SRPRA: variants seen among roughly 807,000 people sequenced by gnomAD.
The protein encoded by SRPRA is SRP receptor subunit alpha, also known as signal recognition particle receptor subunit alpha.
In SRPRA, 30 loss-of-function variants were observed where a neutral mutation model predicts 61.1. The observed-to-expected ratio is 0.49, with a 90% CI of 0.37 to 0.67. SRPRA has a LOEUF of 0.67. Ranked by LOEUF, SRPRA falls within the 30% of genes least tolerant of loss-of-function variation. The pLI is 0.00. For missense variants in SRPRA, 759 were observed against 828.4 expected, an observed-to-expected ratio of 0.92 and a Z score of 1.03; for synonymous variants, 324 against 299.7, an observed-to-expected ratio of 1.08 and a Z score of -0.84.
the SRPRA span, among the ~76,000 whole-genome samples, chr11:126,254,773 C>G: frequency 6.6e-6 from 1 of 152,172 alleles, no homozygotes; most frequent in Non-Finnish European, 1.5e-5. Flanking sequence ...CTGTAGTGAG[C>G]TGTGTCTAGA....
chr11:126,252,206 C>G, the SRPRA span, among the ~76,000 whole-genome samples: 1 of 151,980 alleles, frequency 6.6e-6, no homozygotes, highest in East Asian at 1.9e-4. This position sits in a 1 kb window ranked among gnomAD's most constrained non-coding sequence, Gnocchi z 4.7. Flanking sequence ...AGGCTGGTCT[C>G]GAACTCCTGA....
At chr11:126,245,282 TA>T in the SRPRA span, 46 of 144,972 alleles carry the variant, frequency 3.2e-4, no homozygotes, top group Middle Eastern at 3.6e-3. Flanking sequence ...ACCCTGTCTC[TA>T]AAAAAAAAAA....
chr11:126,266,823 A>G lies in SRPRA; in HGVS notation c.626T>C (p.Leu209Pro). Residue 209 changes from leucine to proline, a missense_variant, in exon 5 of 14, where the codon CTG becomes CCG. This residue lies in a region of SRPRA where 475 missense variants were observed against 462.5 expected (regional missense o/e 1.03). Transcript: ENST00000332118. ...ENGVELSKEELIRRKREEFIQ... is the reference protein window; with the variant it reads ...ENGVELSKEEPIRRKREEFIQ... ...GAACTCCTCGCGCTTCCTGCGGATC[A>G]GCTCCTCTTTGGAAAGTTCTACTCC... is the stretch of plus-strand genomic sequence containing the variant. The G allele has an allele frequency of 1.2e-6, 2 of 1,614,172 alleles. No homozygotes were observed. The highest frequency in any genetic ancestry group is 2.2e-5 in the South Asian group (2 of 91,090).
chr11:126,267,422 G>A lies in SRPRA; in HGVS notation c.366-87C>T. On this transcript the variant is annotated intron_variant, in intron 3 of 13. Transcript: ENST00000332118. The surrounding 1 kb of genome is among the most constrained non-coding windows in gnomAD (Gnocchi z 4.2). ...GAGAAAGGACTCTCACACCCAAGAG[G>A]ACAATGAGAACTGGGTAGCAAATTA... The A allele has an allele frequency of 1.3e-6, 2 of 1,589,828 alleles. No individual in the cohort carries two copies. Among genetic ancestry groups the A allele is most frequent in the Non-Finnish European group, 1.7e-6 (2 of 1,166,124 alleles).
the SRPRA span, among the ~76,000 whole-genome samples, chr11:126,241,451 A>G: frequency 6.6e-6 from 1 of 152,192 alleles, no homozygotes. Flanking sequence ...TTCTTTTTAG[A>G]GGTAATAAGT....
the SRPRA span, chr11:126,241,179 A>G: frequency 1.0e-6 from 1 of 962,654 alleles, no homozygotes; most frequent in Non-Finnish European, 1.5e-6. Flanking sequence ...GGTTTCCATA[A>G]CATTTGACTC....
intron 5 of SRPRA, 54 bp from the exon 6 acceptor site, chr11:126,266,683 T>A: frequency 6.2e-7 from 1 of 1,608,672 alleles, no homozygotes; most frequent in Non-Finnish European, 8.5e-7. Context: ...AAAGGAAACA[T>A]GAGCCAGAGA....
At chr11:126,240,567 G>A in the SRPRA span, among the ~76,000 whole-genome samples, 1 of 152,088 alleles carries the variant, frequency 6.6e-6, no homozygotes, top group Non-Finnish European at 1.5e-5. Context: ...TTTAAGATTG[G>A]TTTTGGGATT....
chr11:126,264,884 C>G lies in SRPRA; in HGVS notation c.1525+75G>C. 6 of 1,407,366 alleles carry G rather than the reference C, an allele frequency of 4.3e-6. No homozygotes were observed. The highest frequency in any genetic ancestry group is 5.8e-6 in the Non-Finnish European group (6 of 1,036,238). The allele number at this position is 1,407,366 out of a possible 1,614,324, so 87.2% of individuals were successfully genotyped here. A position where few individuals can be genotyped will look rare whatever the true frequency, so the allele number is the denominator to read the frequency against. ...GAGTCTGTAGTAGCACAAGCCTGAT[C>G]TTCTGCAAATTCCAAGAGAACCCAA... On this transcript the variant is annotated intron_variant, in intron 11 of 13. Coordinates refer to ENST00000332118, the MANE Select transcript of SRPRA (RefSeq NM_003139.4). The surrounding 1 kb of genome is among the most constrained non-coding windows in gnomAD (Gnocchi z 5.0).
chr11:126,267,104 G>C lies in SRPRA; in HGVS notation c.526+71C>G. 1 of 1,578,276 alleles carries C rather than the reference G, an allele frequency of 6.3e-7. No individual in the cohort carries two copies. The highest frequency in any genetic ancestry group is 8.6e-7 in the Non-Finnish European group (1 of 1,160,344). On this transcript the variant is annotated intron_variant, in intron 4 of 13. Coordinates refer to ENST00000332118, the MANE Select transcript of SRPRA (RefSeq NM_003139.4). The surrounding 1 kb of genome is among the most constrained non-coding windows in gnomAD (Gnocchi z 4.2). ...AGCAGGTAAGCAATGACAAAAGGAA[G>C]GACCACCTCAGTCCTTAGCACCGTG...
the SRPRA span, among the ~76,000 whole-genome samples, chr11:126,247,870 T>C: frequency 7.2e-5 from 10 of 139,316 alleles, no homozygotes; most frequent in Admixed American, 1.5e-4. Context: ...AAAAAAAATA[T>C]ATATATATAT....
At chr11:126,261,507 A>G (rs371696416), downstream of SRPRA, 24 of 1,591,960 alleles carry the variant, frequency 1.5e-5, no homozygotes, top group African/African-American at 2.6e-4. Context: ...CTATTCTACT[A>G]TTTATCACTC....
downstream of SRPRA, among the ~76,000 whole-genome samples, chr11:126,258,979 A>G (rs1413584224): frequency 6.6e-6 from 1 of 152,196 alleles, no homozygotes; most frequent in African/African-American, 2.4e-5. Context: ...TAGGCTTCCT[A>G]CCAGAGTAGC....
rs1249825864 is a variant in SRPRA at position 126,265,209 on chromosome 11, G to C, written c.1312-37C>G. ...ACGTAAGAAAAGTCACCTAAAGCCAGGATTTTGAGACACAAGAAGTACAGA... is the reference window on the plus strand; with the variant it reads ...ACGTAAGAAAAGTCACCTAAAGCCACGATTTTGAGACACAAGAAGTACAGA... On this transcript the variant is annotated intron_variant, in intron 10 of 13. Transcript: ENST00000332118. The surrounding 1 kb of genome is among the most constrained non-coding windows in gnomAD (Gnocchi z 6.3). The C allele has an allele frequency of 6.2e-7, 1 of 1,613,768 alleles. No homozygotes were observed. Among genetic ancestry groups the C allele is most frequent in the Non-Finnish European group, 8.5e-7 (1 of 1,179,824 alleles).
the SRPRA span, among the ~76,000 whole-genome samples, chr11:126,242,311 C>T: frequency 3.9e-5 from 6 of 152,060 alleles, no homozygotes; most frequent in East Asian, 1.9e-4. Flanking sequence ...GAAAGTGAGC[C>T]GGGGATGGTG....
At position 126,265,271 on chromosome 11, in the gene SRPRA, G is replaced by A. The variant is rs1291797519; in HGVS notation, c.1308C>T (p.Ala436=). The A allele has an allele frequency of 3.7e-6, 6 of 1,614,048 alleles. No homozygotes were observed. The highest frequency in any genetic ancestry group is 1.3e-5 in the African/African-American group (1 of 75,044). ...VNGVGKSTNL[A]KISFWLLENG... ...TAGGCTGGGGAACTGCACTGACCTTGGCAAGATTAGTAGATTTCCCCACTC... is the reference window on the plus strand; with the variant it reads ...TAGGCTGGGGAACTGCACTGACCTTAGCAAGATTAGTAGATTTCCCCACTC... The change falls in exon 10 of 14, where the codon GCC becomes GCT. Residue 436 remains alanine, a synonymous_variant. Transcript: ENST00000332118. This position sits in a 1 kb window ranked among gnomAD's most constrained non-coding sequence, Gnocchi z 6.3.
chr11:126,238,729 A>C, the SRPRA span, among the ~76,000 whole-genome samples: 72 of 152,282 alleles, frequency 4.7e-4, 1 homozygote, highest in African/African-American at 1.5e-3. Context: ...TTTTAGCCCC[A>C]CCAGCCCCTC....
the SRPRA span, chr11:126,256,599 A>G: frequency 1.2e-6 from 2 of 1,613,918 alleles, no homozygotes; most frequent in Non-Finnish European, 1.7e-6. The surrounding 1 kb of genome is among the most constrained non-coding windows in gnomAD (Gnocchi z 6.6). Context: ...AAAACAAGTC[A>G]TTTCTTTTCC....
In SRPRA at chr11:126,263,943, A is replaced by G. The variant is rs1950754135; in HGVS notation, c.1890T>C (p.Ala630=). Residue 630 remains alanine (A), a synonymous_variant, in exon 14 of 14, where the codon GCT becomes GCC. Coordinates refer to ENST00000332118, the MANE Select transcript of SRPRA (RefSeq NM_003139.4). The part of the protein sequence containing the change: ...YCDLRSLNAK[A]VVAALMKA Reference sequence around the variant, plus strand: ...AAGCCTTCATGAGGGCAGCCACCACAGCCTTGGCATTGAGGCTGCGTAGGT... The same window carrying G: ...AAGCCTTCATGAGGGCAGCCACCACGGCCTTGGCATTGAGGCTGCGTAGGT... 6.2e-7 allele frequency: 1 copy of G among 1,614,112 alleles called. No homozygotes were observed. Among genetic ancestry groups the G allele is most frequent in the African/African-American group, 1.3e-5 (1 of 74,936 alleles).
Sources: gnomAD v4.1 joint callset for allele counts (sites outside exome capture counted in the v4.1 genomes callset) on GRCh38, gnomAD v4.1.1 for gene constraint, gnomAD v4.1.1 regional missense constraint, Gnocchi (gnomAD v3.1) non-coding constraint, MANE v1.5 for transcripts, NCBI Gene and HGNC (gene_info 2026-07-23, HGNC 2026-07-21) for gene names.